The following AGL variants were observed in gnomAD, a reference collection of about 807,000 sequenced individuals.
AGL encodes the protein glycogen debranching enzyme.
Under a neutral mutation model 199.3 loss-of-function variants are expected in AGL, and 128 were observed. That is an observed-to-expected ratio of 0.64 (90% CI 0.56 to 0.74). The LOEUF is 0.74. Among genes scored for constraint, AGL ranks in the 30% least tolerant of loss-of-function variants. The pLI, the probability that AGL is intolerant of heterozygous loss-of-function variation, is 0.00. For missense variants in AGL, 1,809 were observed against 1,820.8 expected (o/e 0.99, Z 0.12); for synonymous variants, 584 against 594.7 (o/e 0.98, Z 0.26).
intron 2 of AGL, chr1:99,852,581 G>A: frequency 1.9e-6 from 1 of 523,338 alleles, no homozygotes; most frequent in Middle Eastern, 3.4e-4. Context: ...TCACTATGTT[G>A]CCCAGGTTGA....
At chr1:99,907,927 T>C (rs1255264103) in intron 27 of AGL, among the ~76,000 whole-genome samples, 1 of 152,096 alleles carries the variant, frequency 6.6e-6, no homozygotes, top group African/African-American at 2.4e-5. Flanking sequence ...GAAACACTTA[T>C]TAGATATGGT....
At chr1:99,902,608 T>G in intron 26 of AGL, 75 bp from the exon 27 acceptor site, 1 of 1,162,692 alleles carries the variant, frequency 8.6e-7, no homozygotes, top group South Asian at 1.2e-5. Flanking sequence ...TCACATTACT[T>G]CAGTTGTCGG....
chr1:99,874,509 A>G lies in AGL; in HGVS notation c.959-178A>G, dbSNP rs1368168070. On this transcript the variant is annotated intron_variant, in intron 7 of 33. Transcript: ENST00000361915. ...CTCGTGTGTGTTTGCGCGTGCACGC[A>G]CGTGCACACACGTGCACACAGCAGG... 6.5e-6 allele frequency: 4 copies of G among 614,072 alleles called. No individual in the cohort carries two copies. In the Admixed American group the frequency reaches 8.7e-5, roughly 13 times the overall value. 38.0% of individuals were successfully genotyped at this position (614,072 alleles called of 1,614,324 possible). A position where few individuals can be genotyped will look rare whatever the true frequency, so the allele number is the denominator to read the frequency against.
At chr1:99,857,847 A>AGTGGGAGACC (rs1557743553) in intron 2 of AGL, among the ~76,000 whole-genome samples, 1 of 8,226 alleles carries the variant, frequency 1.2e-4, no homozygotes, top group Non-Finnish European at 2.4e-4. Context: ...GGGGAGGGGG[A>AGTGGGAGACC]GGGGGGAAGA....
chr1:99,879,943 G>A lies in AGL; in HGVS notation c.1632G>A (p.Arg544=), dbSNP rs2101145130. ...TACAGTACATGTTGGATGCTGCTAG[G>A]AATTTGCAACCCAATTTATATGTAG... ...HVAEYMLDAA[R]NLQPNLYVVA... Residue 544 remains arginine, a synonymous_variant, in exon 13 of 34, where the codon AGG becomes AGA. Transcript: ENST00000361915. 6.2e-7 allele frequency: 1 copy of A among 1,613,476 alleles called. No homozygotes were observed. Among genetic ancestry groups the A allele is most frequent in the Non-Finnish European group, 8.5e-7 (1 of 1,179,674 alleles).
In AGL at chr1:99,880,719, G is replaced by A. The variant is rs1317587334; in HGVS notation, c.1823G>A (p.Cys608Tyr). The change falls in exon 14 of 34, where the codon TGT becomes TAT. Residue 608 changes from cysteine to tyrosine, a missense_variant. Cys to Tyr is a radical substitution (Grantham distance 194). Coordinates refer to ENST00000361915, the MANE Select transcript of AGL (RefSeq NM_000642.3). ...CCTGTTGGATCCTTTGTTCAGCCCT[G>A]TTTGAGGCCTTTAATGCCAGCTATT... ...GEPVGSFVQP[C>Y]LRPLMPAIAH... 2 of 1,614,024 alleles carry A rather than the reference G, an allele frequency of 1.2e-6. No individual in the cohort carries two copies. The highest frequency in any genetic ancestry group is 1.7e-6 in the Non-Finnish European group (2 of 1,179,952).
intron 10 of AGL, among the ~76,000 whole-genome samples, chr1:99,875,790 G>A (rs1209750694): frequency 6.6e-6 from 1 of 152,178 alleles, no homozygotes; most frequent in Admixed American, 6.6e-5. Flanking sequence ...TGGGCAACTA[G>A]AGTGCAGTAA....
intron 2 of AGL, among the ~76,000 whole-genome samples, chr1:99,857,018 A>T (rs190405644): frequency 0.013 from 1,927 of 148,208 alleles, 22 homozygotes; most frequent in Middle Eastern, 0.058. Context: ...AGGGGCGGCC[A>T]GGCAGAGGCG....
intron 23 of AGL, 128 bp downstream of exon 23, chr1:99,891,867 G>C: frequency 9.3e-7 from 1 of 1,079,766 alleles, no homozygotes; most frequent in South Asian, 1.3e-5. Context: ...CTTGTAGGTG[G>C]ATAGTAAATT....
rs751625880 is a variant in AGL at position 99,915,464 on chromosome 1, G to C, written c.4237G>C (p.Gly1413Arg). The C allele has an allele frequency of 1.2e-6, 2 of 1,612,442 alleles. No individual in the cohort carries two copies. Among genetic ancestry groups the C allele is most frequent in the Admixed American group, 3.3e-5 (2 of 59,932 alleles). ...AGAAAAAAAATTGCTTGGTCCCCTT[G>C]GCATGAAAACTTTAGATCCAGAGTA... ...IAEKKLLGPL[G>R]MKTLDPDDMV... Residue 1413 changes from glycine to arginine, a missense_variant, in exon 31 of 34, where the codon GGC (glycine) becomes CGC (arginine). Transcript: ENST00000361915.
intron 28 of AGL, among the ~76,000 whole-genome samples, chr1:99,911,632 G>A (rs147410888): frequency 1.1e-3 from 160 of 152,226 alleles, no homozygotes; most frequent in African/African-American, 3.6e-3. Flanking sequence ...TAGTGAAGAC[G>A]AGGTTTCACC....
intron 27 of AGL, among the ~76,000 whole-genome samples, chr1:99,905,571 G>C (rs1244045047): frequency 6.6e-6 from 1 of 151,986 alleles, no homozygotes; most frequent in African/African-American, 2.4e-5. Flanking sequence ...TTTGCACATT[G>C]TCTCTTTCTT....
intron 10 of AGL, 33 bp downstream of exon 10, chr1:99,875,488 G>A (rs771651383): frequency 1.9e-6 from 3 of 1,546,844 alleles, no homozygotes; most frequent in South Asian, 2.2e-5. Flanking sequence ...CTTATTGATG[G>A]TTGAAAACTG....
chr1:99,859,686 A>G (rs1649877060), intron 2 of AGL, among the ~76,000 whole-genome samples: 1 of 152,118 alleles, frequency 6.6e-6, no homozygotes, highest in African/African-American at 2.4e-5. Flanking sequence ...TTGGGATTAC[A>G]GGTGCACACC....
At position 99,897,161 on chromosome 1, in the gene AGL, T is replaced by C. The variant is rs1348672629; in HGVS notation, c.3362+773T>C. ...TGTCACAATAATATGAATGAACTTA[T>C]TGGAGGTCGAAAGGAAAGCACTACA... On this transcript the variant is annotated intron_variant, in intron 25 of 33. Coordinates refer to ENST00000361915, the MANE Select transcript of AGL (RefSeq NM_000642.3). Among the ~76,000 whole-genome samples the C allele has an allele frequency of 2.6e-5, 4 of 152,102 alleles. No homozygotes were observed. The East Asian group carries it at 7.7e-4, about 29-fold the overall frequency.
chr1:99,862,598 C>A (rs988569766), intron 4 of AGL, among the ~76,000 whole-genome samples, 175 bp downstream of exon 4: 1 of 152,110 alleles, frequency 6.6e-6, no homozygotes, highest in African/African-American at 2.4e-5. Context: ...GCAGGCTATA[C>A]AGGAAGCATG....
intron 20 of AGL, among the ~76,000 whole-genome samples, chr1:99,885,374 C>T (rs1652377970): frequency 6.6e-6 from 1 of 152,080 alleles, no homozygotes; most frequent in Non-Finnish European, 1.5e-5. Flanking sequence ...TAATACAATG[C>T]CTGGCACATA....
intron 2 of AGL, chr1:99,852,804 T>TAAGG: frequency 1.3e-6 from 1 of 760,626 alleles, no homozygotes; most frequent in Non-Finnish European, 2.4e-6. Flanking sequence ...TAAATAAATA[T>TAAGG]AAGGCATTGA....
rs189817442 is a variant in AGL at position 99,888,299 on chromosome 1, T to C, written c.2812+191T>C. Among the ~76,000 whole-genome samples the C allele has an allele frequency of 3.5e-4, 53 of 152,318 alleles. 1 individual carries two copies. The East Asian group carries it at 8.5e-3, about 24-fold the overall frequency. On this transcript the variant is annotated intron_variant, in intron 21 of 33. Coordinates refer to ENST00000361915, the MANE Select transcript of AGL (RefSeq NM_000642.3). ...GTGCCAATTTCTGCTTCTATAAAATTTGAATAATATTATCTAATTTAGAAG... is the reference window on the plus strand; with the variant it reads ...GTGCCAATTTCTGCTTCTATAAAATCTGAATAATATTATCTAATTTAGAAG...
Sources: allele counts gnomAD v4.1 joint callset (sites outside exome capture counted in the v4.1 genomes callset), GRCh38; gene constraint gnomAD v4.1.1; transcripts MANE v1.5; gene names NCBI Gene and HGNC (gene_info 2026-07-23, HGNC 2026-07-21).